PLCL1: variants seen among roughly 807,000 people sequenced by gnomAD.
The protein encoded by PLCL1 is phospholipase C like 1 (inactive), also known as inactive phospholipase C-like protein 1.
A neutral mutation model predicts 84.4 loss-of-function variants in PLCL1; 41 were observed. The ratio of observed to expected loss-of-function variants is 0.49; its 90% CI spans 0.38 to 0.63. The LOEUF is 0.63. Ranked by LOEUF, PLCL1 falls within the 30% of genes least tolerant of loss-of-function variation. The pLI is 0.00. For synonymous variants in PLCL1, 490 were observed against 488.3 expected, an observed-to-expected ratio of 1.00 and a Z score of -0.05; for missense variants, 1,206 against 1,367.8, an observed-to-expected ratio of 0.88 and a Z score of 1.87.
In PLCL1 at chr2:197,897,177, CTTCTTCTTCTTCTCCTTCTCCTTCTTCTT is replaced by C. The variant is rs1559038633; in HGVS notation, c.240+91840_240+91868del. On this transcript the variant is annotated intron_variant, in intron 1 of 5. Coordinates refer to ENST00000428675, the MANE Select transcript of PLCL1 (RefSeq NM_006226.4). ...TCTTCTTCTTCTTCTTCTTCTTCTT[CTTCTTCTTCTTCTCCTTCTCCTTCTTCTT>C]TCTTCTTCCTCTTCTTCCTCTTCTT... is the stretch of plus-strand genomic sequence containing the variant. Among the ~76,000 whole-genome samples, 208 of 28,734 alleles carry C rather than the reference CTTCTTCTTCTTCTCCTTCTCCTTCTTCTT, an allele frequency of 7.2e-3. 2 individuals are homozygous for C. The highest frequency in any genetic ancestry group is 0.038 in the African/African-American group (160 of 4,212). The allele number at this position is 28,734 out of a possible 152,430, so 18.9% of individuals were successfully genotyped here.
intron 1 of PLCL1, among the ~76,000 whole-genome samples, chr2:197,972,978 A>G (rs1164815521): frequency 6.6e-6 from 1 of 152,196 alleles, no homozygotes; most frequent in African/African-American, 2.4e-5. Flanking sequence ...CAGGTTCTGT[A>G]TCAATGAGAT....
intron 1 of PLCL1, among the ~76,000 whole-genome samples, chr2:197,965,629 C>CTA (rs1297922429): frequency 8.5e-5 from 13 of 152,050 alleles, no homozygotes; most frequent in African/African-American, 2.9e-4. Flanking sequence ...TTAAGATACA[C>CTA]TATTAGATTG....
chr2:198,117,209 G>A (rs1475285635), intron 5 of PLCL1, among the ~76,000 whole-genome samples: 1 of 151,794 alleles, frequency 6.6e-6, no homozygotes, highest in East Asian at 1.9e-4. Flanking sequence ...TGTGTTAAGA[G>A]ACATATTTTT....
chr2:198,088,345 A>G (rs1332799978), intron 2 of PLCL1, among the ~76,000 whole-genome samples: 1 of 152,194 alleles, frequency 6.6e-6, no homozygotes, highest in Non-Finnish European at 1.5e-5. Context: ...CATAATTTCT[A>G]TTTCAAATGA....
At chr2:197,893,198 A>T (rs1688064328) in intron 1 of PLCL1, among the ~76,000 whole-genome samples, 1 of 152,242 alleles carries the variant, frequency 6.6e-6, no homozygotes, top group South Asian at 2.1e-4. Flanking sequence ...CTGTAACTTT[A>T]GAGTACCTCT....
At chr2:198,108,642 A>C (rs1693546867) in intron 5 of PLCL1, among the ~76,000 whole-genome samples, 2 of 151,954 alleles carry the variant, frequency 1.3e-5, no homozygotes, top group Non-Finnish European at 2.9e-5. Context: ...GACTAACGAC[A>C]ATATAATGAA....
chr2:197,855,034 C>T (rs2105686596), intron 1 of PLCL1, among the ~76,000 whole-genome samples: 1 of 152,226 alleles, frequency 6.6e-6, no homozygotes, highest in Non-Finnish European at 1.5e-5. Flanking sequence ...TTAGTTGAGG[C>T]CCTCTTTTGG....
At chr2:198,136,332 A>G (rs1694255492) in intron 5 of PLCL1, among the ~76,000 whole-genome samples, 1 of 152,138 alleles carries the variant, frequency 6.6e-6, no homozygotes, top group Non-Finnish European at 1.5e-5. Context: ...TATTATAGCC[A>G]TTTTATGGAT....
Position 198,084,750 on chromosome 2 carries a change from C to A in PLCL1, c.1233C>A (p.Ala411=). ...CATTATCTCACTACTATATCAATGC[C>A]TCTCATAACACCTATCTAATAGAAG... ...TQPLSHYYIN[A]SHNTYLIEDQ... is the part of the protein sequence containing the mutation. Residue 411 remains alanine, a synonymous_variant, in exon 2 of 6, where the codon GCC becomes GCA. Coordinates refer to ENST00000428675, the MANE Select transcript of PLCL1 (RefSeq NM_006226.4). The A allele has an allele frequency of 6.2e-7, 1 of 1,614,068 alleles. No individual in the cohort carries two copies. Among genetic ancestry groups the A allele is most frequent in the Non-Finnish European group, 8.5e-7 (1 of 1,179,978 alleles).
intron 1 of PLCL1, among the ~76,000 whole-genome samples, chr2:198,053,868 A>G (rs948895772): frequency 2.6e-5 from 4 of 152,160 alleles, no homozygotes; most frequent in Admixed American, 2.6e-4. Context: ...TGTAGAACCA[A>G]TGGGTTTTGT....
At chr2:198,055,219 GA>G (rs1210555251) in intron 1 of PLCL1, among the ~76,000 whole-genome samples, 5 of 150,388 alleles carry the variant, frequency 3.3e-5, no homozygotes, top group African/African-American at 1.2e-4. Flanking sequence ...ACTTGGGGCT[GA>G]AAAATGCATA....
intron 1 of PLCL1, among the ~76,000 whole-genome samples, chr2:197,830,211 A>G (rs1691027393): frequency 6.6e-6 from 1 of 152,034 alleles, no homozygotes; most frequent in Admixed American, 6.6e-5. Context: ...GGTGGGTAAT[A>G]ACAAACTCCT....
At chr2:198,145,298 A>AT (rs574565566) in intron 5 of PLCL1, among the ~76,000 whole-genome samples, 147 of 152,162 alleles carry the variant, frequency 9.7e-4, no homozygotes, top group Non-Finnish European at 1.6e-3. Flanking sequence ...TGTAGTAAAT[A>AT]TTTTTTCTTT....
intron 1 of PLCL1, among the ~76,000 whole-genome samples, chr2:198,045,031 A>G (rs1691753416): frequency 6.6e-6 from 1 of 152,226 alleles, no homozygotes; most frequent in Non-Finnish European, 1.5e-5. Context: ...ATGTGGTTGC[A>G]ATGAGTAAAG....
intron 1 of PLCL1, among the ~76,000 whole-genome samples, chr2:198,026,642 CAATT>C (rs1306400896): frequency 6.6e-6 from 1 of 152,038 alleles, no homozygotes; most frequent in Non-Finnish European, 1.5e-5. Flanking sequence ...ATAAGGAACT[CAATT>C]AACTAGAAAG....
At chr2:197,925,306 T>C (rs1241889500) in intron 1 of PLCL1, among the ~76,000 whole-genome samples, 1 of 152,138 alleles carries the variant, frequency 6.6e-6, no homozygotes, top group Non-Finnish European at 1.5e-5. Flanking sequence ...TAAAAACTGG[T>C]TGGTTAAAAA....
chr2:197,806,278 G>GTA (rs1392030650), intron 1 of PLCL1, among the ~76,000 whole-genome samples: 1 of 152,196 alleles, frequency 6.6e-6, no homozygotes, highest in Non-Finnish European at 1.5e-5. Flanking sequence ...ATATATGTAA[G>GTA]TATATATGTG....
chr2:197,855,114 T>G (rs1444803597), intron 1 of PLCL1, among the ~76,000 whole-genome samples: 5 of 152,162 alleles, frequency 3.3e-5, no homozygotes, highest in Non-Finnish European at 7.3e-5. Flanking sequence ...ATTTCCTCAT[T>G]TAGTTTAAGG....
intron 1 of PLCL1, among the ~76,000 whole-genome samples, chr2:198,030,607 A>G (rs1691387335): frequency 6.6e-6 from 1 of 152,116 alleles, no homozygotes; most frequent in Non-Finnish European, 1.5e-5. Flanking sequence ...ATTTTCTGGC[A>G]CTCACTATGT....
Sources: gnomAD v4.1 joint callset for allele counts (sites outside exome capture counted in the v4.1 genomes callset) on GRCh38, gnomAD v4.1.1 for gene constraint, MANE v1.5 for transcripts, NCBI Gene and HGNC (gene_info 2026-07-23, HGNC 2026-07-21) for gene names.